Variants in FYN observed in about 807,000 individuals in gnomAD.
FYN encodes FYN proto-oncogene, Src family tyrosine kinase.
A neutral mutation model predicts 70.2 loss-of-function variants in FYN; 10 were observed. The observed-to-expected ratio is 0.14, with a 90% CI of 0.09 to 0.24. FYN has a LOEUF of 0.24. FYN is among the 10% of genes least tolerant of loss of function. FYN has a pLI of 1.00. For synonymous variants in FYN, 236 were observed against 248.6 expected (o/e 0.95, Z 0.48); for missense variants, 319 against 673.1 (o/e 0.47, Z 5.82).
chr6:111,801,539 A>G (rs748258542), intron 2 of FYN, among the ~76,000 whole-genome samples: 19 of 152,228 alleles, frequency 1.2e-4, no homozygotes, highest in Non-Finnish European at 1.9e-4. Flanking sequence ...TGGAATACCA[A>G]AATTCAACAG....
intron 3 of FYN, among the ~76,000 whole-genome samples, chr6:111,738,714 C>T (rs1461036698): frequency 6.6e-6 from 1 of 152,130 alleles, no homozygotes; most frequent in Non-Finnish European, 1.5e-5. Flanking sequence ...ACCTAAAGTG[C>T]CCACCCAGCC....
intron 10 of FYN, among the ~76,000 whole-genome samples, chr6:111,696,058 A>G (rs1799558915): frequency 1.3e-5 from 2 of 152,212 alleles, no homozygotes; most frequent in South Asian, 4.1e-4. Flanking sequence ...AACATGTAAA[A>G]AGTATTTGGC....
intron 1 of FYN, among the ~76,000 whole-genome samples, chr6:111,865,324 A>G (rs1257103796): frequency 2.0e-5 from 3 of 152,238 alleles, no homozygotes; most frequent in Non-Finnish European, 2.9e-5. Context: ...GGAGGTGCAC[A>G]GCAGGCTGTT....
Position 111,661,267 on chromosome 6 carries a change from A to C in FYN, c.*472T>G, listed in dbSNP as rs1797720416. Reference sequence around the variant, plus strand: ...TATTTATAAAAAAGAAAACAAAAACAAACACCTGTCCTGATTGGTTTTTGT... The same window carrying C: ...TATTTATAAAAAAGAAAACAAAAACCAACACCTGTCCTGATTGGTTTTTGT... On this transcript the variant is annotated 3_prime_UTR_variant, in exon 14 of 14. Coordinates refer to ENST00000354650, the MANE Select transcript of FYN (RefSeq NM_002037.5). The surrounding 1 kb of genome is among the most constrained non-coding windows in gnomAD (Gnocchi z 4.0). 6.5e-6 allele frequency: 1 copy of C among 152,852 alleles called. No homozygotes were observed. Among genetic ancestry groups the C allele is most frequent in the Admixed American group, 6.5e-5 (1 of 15,302 alleles). 9.5% of individuals were successfully genotyped at this position (152,852 alleles called of 1,614,324 possible).
chr6:111,796,847 AGAT>A (rs1771820050), intron 2 of FYN, among the ~76,000 whole-genome samples: 2 of 152,192 alleles, frequency 1.3e-5, no homozygotes. Context: ...GTAGAAAATG[AGAT>A]GATGAGTCAG....
chr6:111,690,108 G>A (rs186582634), intron 12 of FYN, among the ~76,000 whole-genome samples: 68 of 152,298 alleles, frequency 4.5e-4, no homozygotes, highest in Non-Finnish European at 7.4e-5. Flanking sequence ...TGAAGGAAGT[G>A]AGGGCTGGAG....
intron 2 of FYN, among the ~76,000 whole-genome samples, chr6:111,843,112 A>G (rs565678212): frequency 1.1e-4 from 17 of 152,354 alleles, no homozygotes; most frequent in African/African-American, 4.1e-4. Context: ...ATGACACTGC[A>G]GGAATTCTCG....
chr6:111,829,506 G>A (rs1435875137), intron 2 of FYN, among the ~76,000 whole-genome samples: 1 of 152,156 alleles, frequency 6.6e-6, no homozygotes, highest in African/African-American at 2.4e-5. Flanking sequence ...CTCACATCAG[G>A]AGCTCAGATT....
At chr6:111,777,865 G>A (rs931797408) in intron 3 of FYN, among the ~76,000 whole-genome samples, 9 of 152,194 alleles carry the variant, frequency 5.9e-5, no homozygotes, top group African/African-American at 2.2e-4. Context: ...AGGGTGCCAG[G>A]ACCTGGCTTC....
chr6:111,791,681 T>C (rs558801990), intron 2 of FYN, among the ~76,000 whole-genome samples: 1 of 152,294 alleles, frequency 6.6e-6, no homozygotes, highest in South Asian at 2.1e-4. Context: ...GACTCTTCCC[T>C]AGAGCCTTCA....
intron 3 of FYN, among the ~76,000 whole-genome samples, chr6:111,746,979 G>C (rs9398280): frequency 0.037 from 5,670 of 152,216 alleles, 155 homozygotes; most frequent in East Asian, 0.13. Flanking sequence ...CTAATTTACT[G>C]AGAATTTATG....
chr6:111,859,507 T>C (rs1293402197), intron 1 of FYN, among the ~76,000 whole-genome samples: 1 of 152,242 alleles, frequency 6.6e-6, no homozygotes, highest in East Asian at 1.9e-4. Flanking sequence ...CAACATGAGA[T>C]GACAGTTCAG....
chr6:111,769,493 C>T (rs1434181178), intron 3 of FYN, among the ~76,000 whole-genome samples: 1 of 152,148 alleles, frequency 6.6e-6, no homozygotes, highest in Non-Finnish European at 1.5e-5. Context: ...GAAATGGAAT[C>T]TAACCTTTAC....
intron 3 of FYN, among the ~76,000 whole-genome samples, chr6:111,763,688 A>G (rs1195181571): frequency 2.0e-5 from 3 of 152,224 alleles, no homozygotes; most frequent in African/African-American, 7.2e-5. Context: ...CTATGCATCT[A>G]TTCATGCTAC....
chr6:111,828,702 C>T (rs1374987244), intron 2 of FYN, among the ~76,000 whole-genome samples: 1 of 152,108 alleles, frequency 6.6e-6, no homozygotes, highest in African/African-American at 2.4e-5. Context: ...CTAGAGGAGT[C>T]GAATTTATAC....
intron 3 of FYN, among the ~76,000 whole-genome samples, chr6:111,753,400 A>G (rs1802572817): frequency 6.6e-6 from 1 of 152,216 alleles, no homozygotes; most frequent in African/African-American, 2.4e-5. Context: ...TGGTGAGCTC[A>G]GGTCCACCTA....
intron 1 of FYN, among the ~76,000 whole-genome samples, chr6:111,858,942 G>A (rs1773891707): frequency 6.6e-6 from 1 of 151,866 alleles, no homozygotes; most frequent in Non-Finnish European, 1.5e-5. Context: ...GGCAAGGGGA[G>A]CCTATGGCTT....
chr6:111,776,522 T>C (rs1322744888), intron 3 of FYN, among the ~76,000 whole-genome samples: 1 of 152,198 alleles, frequency 6.6e-6, no homozygotes, highest in Non-Finnish European at 1.5e-5. Context: ...CTTTCCAGAA[T>C]ACATTTTCAT....
At chr6:111,857,479 T>A (rs934749679) in intron 1 of FYN, among the ~76,000 whole-genome samples, 3 of 152,180 alleles carry the variant, frequency 2.0e-5, no homozygotes, top group African/African-American at 7.2e-5. Flanking sequence ...AGGACAGGTA[T>A]ACTAAGCCAC....
Sources: gnomAD v4.1 joint callset for allele counts (sites outside exome capture counted in the v4.1 genomes callset) on GRCh38, gnomAD v4.1.1 for gene constraint, Gnocchi (gnomAD v3.1) non-coding constraint, MANE v1.5 for transcripts, NCBI Gene and HGNC (gene_info 2026-07-23, HGNC 2026-07-21) for gene names.